Variants in CFAP61 observed in about 807,000 individuals in gnomAD.
CFAP61 encodes cilia- and flagella-associated protein 61.
In CFAP61, 107 loss-of-function variants were observed where a neutral mutation model predicts 135.6. The ratio of observed to expected loss-of-function variants is 0.79; its 90% CI spans 0.67 to 0.93. The LOEUF (loss-of-function observed/expected upper bound fraction) is 0.93. Among genes scored for constraint, CFAP61 ranks in the 40% least tolerant of loss-of-function variants. The probability of loss-of-function intolerance (pLI) is 0.00; values close to 1 mark genes in which losing one functional copy is unlikely to be tolerated. For missense variants in CFAP61, 1,507 were observed against 1,556.2 expected (o/e 0.97, Z 0.53); for synonymous variants, 575 against 578.5 (o/e 0.99, Z 0.09).
rs568234327 is a variant in CFAP61 at position 20,345,799 on chromosome 20, G to A, written c.3513+3878G>A. Among the ~76,000 whole-genome samples, 6 of 146,060 alleles carry A rather than the reference G, an allele frequency of 4.1e-5. No individual in the cohort carries two copies. In the South Asian group the frequency reaches 1.4e-3, roughly 34 times the overall value. On this transcript the variant is annotated intron_variant, in intron 26 of 26. Coordinates refer to ENST00000245957, the MANE Select transcript of CFAP61 (RefSeq NM_015585.4). ...TAGCCAGGCATGATGGCAAGTGCCTGTAATCCCAGCTACTCAGGAGGCTGA... is the reference window on the plus strand; with the variant it reads ...TAGCCAGGCATGATGGCAAGTGCCTATAATCCCAGCTACTCAGGAGGCTGA...
In CFAP61 at chr20:20,052,886, C is replaced by T. The variant is rs1242872826; in HGVS notation, c.-37+295C>T. On this transcript the variant is annotated intron_variant, in intron 1 of 26. Coordinates refer to ENST00000245957, the MANE Select transcript of CFAP61 (RefSeq NM_015585.4). ...TCTAGTAGTCTCTGGGTCCACGCCC[C>T]CTCGTTTCTGGTTTCGGGACAGTTG... The T allele has an allele frequency of 7.6e-6, 5 of 659,932 alleles. No homozygotes were observed. In the East Asian group the frequency reaches 1.1e-4, roughly 15 times the overall value. The allele number at this position is 659,932 out of a possible 1,614,324, so 40.9% of individuals were successfully genotyped here.
intron 18 of CFAP61, among the ~76,000 whole-genome samples, chr20:20,234,322 G>A (rs2049406342): frequency 1.3e-5 from 2 of 152,168 alleles, no homozygotes; most frequent in South Asian, 4.1e-4. Context: ...AGGTGAGTAG[G>A]CCCCAGCACT....
chr20:20,174,622 C>T (rs956556580), intron 13 of CFAP61, among the ~76,000 whole-genome samples: 14 of 152,108 alleles, frequency 9.2e-5, no homozygotes, highest in African/African-American at 2.4e-4. Flanking sequence ...TTTTAAAGTC[C>T]GCACTCCTGC....
intron 26 of CFAP61, among the ~76,000 whole-genome samples, chr20:20,356,568 AGT>A (rs1322008305): frequency 6.8e-5 from 7 of 103,124 alleles, no homozygotes; most frequent in Non-Finnish European, 1.0e-4. Flanking sequence ...AGGTGGTCAT[AGT>A]GTGAGGGGAG....
chr20:20,127,766 C>G (rs1399525543), intron 8 of CFAP61, among the ~76,000 whole-genome samples: 3 of 151,596 alleles, frequency 2.0e-5, no homozygotes, highest in African/African-American at 7.3e-5. Flanking sequence ...ATTATATGCT[C>G]TTTGTCTTCA....
chr20:20,265,299 A>G (rs779961566), intron 21 of CFAP61: 2 of 746,524 alleles, frequency 2.7e-6, no homozygotes, highest in Non-Finnish European at 5.0e-6. Context: ...GAGCCTTCGA[A>G]AGTGGCACTG....
intron 2 of CFAP61, among the ~76,000 whole-genome samples, chr20:20,067,666 AT>A: frequency 7.1e-6 from 1 of 141,756 alleles, no homozygotes; most frequent in South Asian, 2.2e-4. Flanking sequence ...TATATATAAT[AT>A]ATATATTTAT....
chr20:20,063,408 T>C (rs961442345), intron 2 of CFAP61, among the ~76,000 whole-genome samples: 1 of 151,872 alleles, frequency 6.6e-6, no homozygotes, highest in African/African-American at 2.4e-5. Flanking sequence ...ACTAAAAAGA[T>C]ATGATTATGA....
intron 25 of CFAP61, among the ~76,000 whole-genome samples, chr20:20,339,559 T>C (rs2058359480): frequency 6.6e-6 from 1 of 152,148 alleles, no homozygotes; most frequent in Non-Finnish European, 1.5e-5. Flanking sequence ...AGCCTCGAAC[T>C]CCTGGGCTCA....
intron 26 of CFAP61, among the ~76,000 whole-genome samples, chr20:20,356,304 T>G (rs2059157743): frequency 1.8e-5 from 2 of 112,332 alleles, no homozygotes; most frequent in South Asian, 3.2e-4. Context: ...TGAGAGGAGG[T>G]GGTCACACTG....
chr20:20,323,940 C>T (rs1343813238), intron 25 of CFAP61, among the ~76,000 whole-genome samples: 2 of 152,042 alleles, frequency 1.3e-5, no homozygotes, highest in South Asian at 2.1e-4. Flanking sequence ...ATTTTAATGG[C>T]GTTATTTTTT....
chr20:20,200,918 T>G, intron 17 of CFAP61: 13 of 985,372 alleles, frequency 1.3e-5, no homozygotes, highest in Non-Finnish European at 1.6e-5. Flanking sequence ...GGAGGGCACC[T>G]CCATCAGACC....
At chr20:20,053,675 A>G (rs6046573) in intron 1 of CFAP61, among the ~76,000 whole-genome samples, 21,522 of 152,126 alleles carry the variant, frequency 0.14, 1,666 homozygotes, top group East Asian at 0.23. Context: ...GTCAGTTATA[A>G]CCAACATCAA....
intron 9 of CFAP61, among the ~76,000 whole-genome samples, chr20:20,145,989 C>T (rs1155383): frequency 0.9 from 137,322 of 152,284 alleles, 62,729 homozygotes; most frequent in Middle Eastern, 0.99. Flanking sequence ...CAGTGTTGAC[C>T]AGCCTTGCCC....
chr20:20,182,321 T>TGC (rs2055166363), intron 13 of CFAP61, among the ~76,000 whole-genome samples: 2 of 151,942 alleles, frequency 1.3e-5, no homozygotes, highest in African/African-American at 4.8e-5. Context: ...TAAAATAGTA[T>TGC]GCATCCTTAC....
intron 25 of CFAP61, among the ~76,000 whole-genome samples, chr20:20,300,293 A>C (rs1388828536): frequency 6.6e-6 from 1 of 152,180 alleles, no homozygotes; most frequent in Non-Finnish European, 1.5e-5. Context: ...CTTATGAAAA[A>C]AAAGTTAACT....
intron 13 of CFAP61, among the ~76,000 whole-genome samples, chr20:20,175,145 A>T (rs77106968): frequency 0.012 from 1,764 of 152,330 alleles, 37 homozygotes; most frequent in African/African-American, 0.041. Context: ...GAGGCTTTAC[A>T]AGAGCTTGTT....
At chr20:20,194,502 T>G (rs1343310937) in intron 15 of CFAP61, among the ~76,000 whole-genome samples, 1 of 152,216 alleles carries the variant, frequency 6.6e-6, no homozygotes, top group African/African-American at 2.4e-5. Context: ...CCTTAATAAT[T>G]TGTCTTCTCT....
At position 20,056,703 on chromosome 20, in the gene CFAP61, G is replaced by A. The variant is rs760800263; in HGVS notation, c.50G>A (p.Arg17Gln). 12 of 1,613,778 alleles carry A rather than the reference G, an allele frequency of 7.4e-6. No homozygotes were observed. Among genetic ancestry groups the A allele is most frequent in the South Asian group, 5.5e-5 (5 of 91,084 alleles). Residue 17 changes from arginine to glutamine, a missense_variant, in exon 2 of 27, where the codon CGA becomes CAA. Coordinates refer to ENST00000245957, the MANE Select transcript of CFAP61 (RefSeq NM_015585.4). ...PRGKVEVVHCRRTESQDVYCI... is the reference protein window; with the variant it reads ...PRGKVEVVHCQRTESQDVYCI... ...GGAAAGGTAGAAGTTGTTCATTGCC[G>A]AAGAACAGAATCACAGGATGTTTAT...
Sources: gnomAD v4.1 joint callset for allele counts (sites outside exome capture counted in the v4.1 genomes callset) on GRCh38, gnomAD v4.1.1 for gene constraint, MANE v1.5 for transcripts, NCBI Gene and HGNC (gene_info 2026-07-23, HGNC 2026-07-21) for gene names.